The following ASIC2 variants were observed in gnomAD, a reference collection of about 807,000 sequenced individuals.
ASIC2 encodes the protein acid-sensing ion channel 2.
In ASIC2, 25 loss-of-function variants were observed where a neutral mutation model predicts 57.3. The observed-to-expected ratio is 0.44, with a 90% CI of 0.32 to 0.61. ASIC2 has a LOEUF of 0.61. Among genes scored for constraint, ASIC2 ranks in the 20% least tolerant of loss-of-function variants. The pLI is 0.06. For missense variants in ASIC2, 641 were observed against 738.1 expected, an observed-to-expected ratio of 0.87 and a Z score of 1.52; for synonymous variants, 319 against 307.5, an observed-to-expected ratio of 1.04 and a Z score of -0.39.
At chr17:33,192,307 C>A (rs982271225) in intron 1 of ASIC2, among the ~76,000 whole-genome samples, 4 of 152,038 alleles carry the variant, frequency 2.6e-5, no homozygotes, top group African/African-American at 9.7e-5. Context: ...TGCTTGAACC[C>A]AGGAGGCAGA....
chr17:33,304,889 T>C (rs1399158448), intron 1 of ASIC2, among the ~76,000 whole-genome samples: 1 of 152,106 alleles, frequency 6.6e-6, no homozygotes, highest in Non-Finnish European at 1.5e-5. Context: ...CTTGGCTGGA[T>C]CTCCATAGCT....
chr17:33,748,710 T>C (rs759130147), intron 1 of ASIC2, among the ~76,000 whole-genome samples: 17 of 152,370 alleles, frequency 1.1e-4, no homozygotes, highest in Non-Finnish European at 2.4e-4. Flanking sequence ...TCATGATCTC[T>C]GAGCTGCCTT....
At chr17:34,121,037 G>T (rs1418141092) in intron 1 of ASIC2, among the ~76,000 whole-genome samples, 3 of 152,074 alleles carry the variant, frequency 2.0e-5, no homozygotes, top group Non-Finnish European at 4.4e-5. Context: ...ACCGTGCCTG[G>T]CCAGTACTGG....
At chr17:33,338,276 G>T (rs757333375) in intron 1 of ASIC2, among the ~76,000 whole-genome samples, 1 of 152,156 alleles carries the variant, frequency 6.6e-6, no homozygotes, top group Non-Finnish European at 1.5e-5. Flanking sequence ...TCCTTCTGAG[G>T]TGCTCTGGAA....
At chr17:34,083,869 G>C (rs962354502) in intron 1 of ASIC2, among the ~76,000 whole-genome samples, 3 of 151,896 alleles carry the variant, frequency 2.0e-5, no homozygotes, top group African/African-American at 4.8e-5. Flanking sequence ...TGACGGGGTT[G>C]TTTGTTTTTT....
In ASIC2 at chr17:33,349,021, C is replaced by T. The variant is rs559086754; in HGVS notation, c.556-236954G>A. Among the ~76,000 whole-genome samples, 6 of 152,270 alleles carry T rather than the reference C, an allele frequency of 3.9e-5. No individual in the cohort carries two copies. The South Asian group carries it at 8.3e-4, about 21-fold the overall frequency. ...TATTCAGTAGCTCTGGGATTGATCC[C>T]GAGATTCTGTGTTTCTGAAAGTGCT... On this transcript the variant is annotated intron_variant, in intron 1 of 9. Transcript: ENST00000359872.
At chr17:33,395,930 G>A (rs932571605) in intron 1 of ASIC2, among the ~76,000 whole-genome samples, 4 of 152,158 alleles carry the variant, frequency 2.6e-5, no homozygotes, top group African/African-American at 4.8e-5. Flanking sequence ...GGGGATGATT[G>A]AATAAGCACC....
intron 1 of ASIC2, among the ~76,000 whole-genome samples, chr17:33,276,378 G>A (rs7222945): frequency 0.34 from 51,079 of 152,118 alleles, 8,741 homozygotes; most frequent in Admixed American, 0.41. Flanking sequence ...GCCTTGTAGC[G>A]ACAAAAGTGA....
At chr17:33,041,611 A>C (rs916433730) in intron 3 of ASIC2, among the ~76,000 whole-genome samples, 1 of 152,200 alleles carries the variant, frequency 6.6e-6, no homozygotes, top group Non-Finnish European at 1.5e-5. Flanking sequence ...GGTTCTAACC[A>C]CTGGAATTGA....
chr17:33,812,168 C>A (rs767723310), intron 1 of ASIC2, among the ~76,000 whole-genome samples: 7 of 152,194 alleles, frequency 4.6e-5, no homozygotes, highest in Non-Finnish European at 1.0e-4. Context: ...TTCTGCCTCT[C>A]CCCTACCCAC....
intron 1 of ASIC2, among the ~76,000 whole-genome samples, chr17:33,662,627 AT>A (rs1907309111): frequency 3.1e-5 from 2 of 64,554 alleles, no homozygotes; most frequent in South Asian, 5.3e-4. Flanking sequence ...TGTCTCAAAA[AT>A]AAATAAATAA....
At chr17:33,057,556 G>A (rs960957164) in intron 3 of ASIC2, among the ~76,000 whole-genome samples, 1 of 152,336 alleles carries the variant, frequency 6.6e-6, no homozygotes, top group African/African-American at 2.4e-5. Flanking sequence ...TTGTTGTGAC[G>A]ACTGACTACC....
chr17:33,689,023 C>T (rs1280516254), intron 1 of ASIC2: 1 of 152,182 alleles, frequency 6.6e-6, no homozygotes, highest in African/African-American at 2.4e-5. Flanking sequence ...CACTCACCAT[C>T]AAGATGGAAC....
At chr17:33,227,975 G>T (rs547885844) in intron 1 of ASIC2, among the ~76,000 whole-genome samples, 21 of 152,290 alleles carry the variant, frequency 1.4e-4, no homozygotes, top group Non-Finnish European at 3.1e-4. Flanking sequence ...GATGAGAGAG[G>T]AGAGATGAGA....
chr17:34,011,529 A>T (rs1316887419), intron 1 of ASIC2, among the ~76,000 whole-genome samples: 1 of 151,894 alleles, frequency 6.6e-6, no homozygotes, highest in Non-Finnish European at 1.5e-5. Context: ...AATTCCCTAC[A>T]TGCTAGAAAT....
chr17:33,215,662 T>C (rs867063545), intron 1 of ASIC2, among the ~76,000 whole-genome samples: 50 of 151,950 alleles, frequency 3.3e-4, no homozygotes, highest in Middle Eastern at 6.9e-3. Flanking sequence ...TTAGGAATCA[T>C]CTTTTAAATG....
chr17:34,099,136 G>C (rs62059043), intron 1 of ASIC2, among the ~76,000 whole-genome samples: 6 of 33,434 alleles, frequency 1.8e-4, no homozygotes, highest in Non-Finnish European at 3.4e-4. Flanking sequence ...GAGAGAGAGA[G>C]AGAGAGAGAC....
chr17:33,887,694 G>A lies in ASIC2; in HGVS notation c.555+268284C>T, dbSNP rs114563174. On this transcript the variant is annotated intron_variant, in intron 1 of 9. Coordinates refer to the ASIC2 transcript ENST00000359872. Reference sequence around the variant, plus strand: ...GGAGTTCTTGTTAGGAAAAATCACCGGGTCAGCACCTCTCTAGGTGTCTCA... The same window carrying A: ...GGAGTTCTTGTTAGGAAAAATCACCAGGTCAGCACCTCTCTAGGTGTCTCA... Among the ~76,000 whole-genome samples the A allele has an allele frequency of 8.7e-3, 1,322 of 152,236 alleles. 20 individuals are homozygous for A. The highest frequency in any genetic ancestry group is 0.03 in the African/African-American group (1,257 of 41,544).
chr17:33,107,408 C>A (rs1247867486), intron 2 of ASIC2, among the ~76,000 whole-genome samples: 2 of 152,198 alleles, frequency 1.3e-5, no homozygotes, highest in Non-Finnish European at 2.9e-5. Context: ...TATTTTTTAA[C>A]CAGAATTCCC....
Sources: gnomAD v4.1 joint callset for allele counts (sites outside exome capture counted in the v4.1 genomes callset) on GRCh38, gnomAD v4.1.1 for gene constraint, MANE v1.5 for transcripts, NCBI Gene and HGNC (gene_info 2026-07-23, HGNC 2026-07-21) for gene names.